CDK19: variants seen among roughly 807,000 people sequenced by gnomAD.
The protein encoded by CDK19 is cyclin dependent kinase 19, also known as cyclin-dependent kinase 19.
A neutral mutation model predicts 68.3 loss-of-function variants in CDK19; 20 were observed. The ratio of observed to expected loss-of-function variants is 0.29; its 90% CI spans 0.21 to 0.43. The LOEUF is 0.43. Ranked by LOEUF, CDK19 falls within the 20% of genes least tolerant of loss-of-function variation. The pLI, the probability that CDK19 is intolerant of heterozygous loss-of-function variation, is 1.00. For synonymous variants in CDK19, 221 were observed against 222.8 expected (o/e 0.99, Z 0.07); for missense variants, 339 against 623.5 (o/e 0.54, Z 4.86).
At chr6:110,660,192 C>T (rs1325652789) in intron 4 of CDK19, among the ~76,000 whole-genome samples, 2 of 152,184 alleles carry the variant, frequency 1.3e-5, no homozygotes, top group Admixed American at 1.3e-4. Flanking sequence ...TCCCTGACCC[C>T]TTCGCAGGCT....
In CDK19 at chr6:110,765,672, T is replaced by C. The variant is rs1322378008; in HGVS notation, c.129-19471A>G. ...CTCCAGCCTGGTGATACAGCAAGAC[T>C]CCATCTCAAAAAAAAAAAAAAGACA... On this transcript the variant is annotated intron_variant, in intron 1 of 12. Transcript: ENST00000368911. 1.2e-3 allele frequency among the ~76,000 whole-genome samples: 162 copies of C among 139,684 alleles called. 2 individuals carry two copies. In the Admixed American group the frequency reaches 0.012, roughly 10 times the overall value. 91.6% of individuals were successfully genotyped at this position (139,684 alleles called of 152,430 possible).
intron 2 of CDK19, among the ~76,000 whole-genome samples, chr6:110,699,526 T>G (rs1408005031): frequency 2.6e-5 from 4 of 151,782 alleles, no homozygotes; most frequent in Non-Finnish European, 5.9e-5. Context: ...AGCTAAGCTA[T>G]GGATACACAA....
At chr6:110,704,673 AATCTTTTTAGTT>A (rs1346734514) in intron 2 of CDK19, among the ~76,000 whole-genome samples, 1 of 152,222 alleles carries the variant, frequency 6.6e-6, no homozygotes, top group East Asian at 1.9e-4. Flanking sequence ...AATATCAACA[AATCTTTTTAGTT>A]ATCTTTTTAA....
intron 1 of CDK19, among the ~76,000 whole-genome samples, chr6:110,802,330 G>T (rs2115116455): frequency 6.6e-6 from 1 of 152,316 alleles, no homozygotes; most frequent in Middle Eastern, 3.4e-3. Context: ...ATACACCATG[G>T]AATACTATGC....
At chr6:110,812,366 C>T (rs1297802182) in intron 1 of CDK19, among the ~76,000 whole-genome samples, 9 of 152,176 alleles carry the variant, frequency 5.9e-5, no homozygotes, top group African/African-American at 2.2e-4. Context: ...TCGTGATCCA[C>T]CCGCCTCGGC....
At chr6:110,684,217 C>T (rs1006034750) in intron 2 of CDK19, among the ~76,000 whole-genome samples, 1 of 151,924 alleles carries the variant, frequency 6.6e-6, no homozygotes, top group Non-Finnish European at 1.5e-5. Flanking sequence ...GCTTGCAACC[C>T]TCCTTGTCAA....
chr6:110,634,148 T>C (rs1271886268), intron 5 of CDK19, among the ~76,000 whole-genome samples: 1 of 152,182 alleles, frequency 6.6e-6, no homozygotes, highest in East Asian at 1.9e-4. Context: ...CATATTAAAA[T>C]TTTAATTTAC....
intron 1 of CDK19, among the ~76,000 whole-genome samples, chr6:110,791,521 A>G (rs998925561): frequency 6.6e-6 from 1 of 152,194 alleles, no homozygotes; most frequent in Non-Finnish European, 1.5e-5. Context: ...CAGGCTACTA[A>G]AAAGTATGTA....
chr6:110,728,639 A>T (rs78444365), intron 2 of CDK19, among the ~76,000 whole-genome samples: 4,166 of 151,762 alleles, frequency 0.027, 82 homozygotes, highest in South Asian at 0.084. Context: ...AACACAGCCC[A>T]CACAGCTGCA....
intron 4 of CDK19, among the ~76,000 whole-genome samples, chr6:110,649,951 T>G (rs762991803): frequency 6.6e-6 from 1 of 152,358 alleles, no homozygotes; most frequent in East Asian, 1.9e-4. Context: ...AACAACTATA[T>G]ATAGCCTTTG....
intron 1 of CDK19, among the ~76,000 whole-genome samples, chr6:110,748,548 G>C (rs1676149936): frequency 1.3e-5 from 2 of 152,216 alleles, no homozygotes; most frequent in African/African-American, 4.8e-5. Context: ...TAAACTAACT[G>C]TCAGATGGTA....
rs775534171 is a variant in CDK19 at position 110,622,823 on chromosome 6, T to G, written c.1023A>C (p.Pro341=). The G allele has an allele frequency of 1.9e-6, 3 of 1,601,786 alleles. No individual in the cohort carries two copies. Among genetic ancestry groups the G allele is most frequent in the Non-Finnish European group, 2.6e-6 (3 of 1,168,778 alleles). ...AAAGACAGGATACATACTCTAATGT[T>G]GGCAAAGGGTCCTCCTGAAAATAGG... The part of the protein sequence containing the change: ...QDPYFQEDPL[P]TLDVFAGCQI... Residue 341 remains proline, a synonymous_variant, in exon 10 of 13, where the codon CCA becomes CCC. Coordinates refer to ENST00000368911, the MANE Select transcript of CDK19 (RefSeq NM_015076.5).
intron 2 of CDK19, among the ~76,000 whole-genome samples, chr6:110,687,409 G>A (rs1772588002): frequency 6.6e-6 from 1 of 152,140 alleles, no homozygotes; most frequent in Non-Finnish European, 1.5e-5. Flanking sequence ...GTGAAGTCAA[G>A]GCTCAGACAA....
intron 1 of CDK19, among the ~76,000 whole-genome samples, chr6:110,806,495 C>CT (rs972150993): frequency 4.6e-5 from 7 of 152,156 alleles, no homozygotes; most frequent in African/African-American, 1.7e-4. Flanking sequence ...GCTTCTAGGA[C>CT]TTTAACTTAC....
At chr6:110,617,971 C>A (rs1181059718) in intron 12 of CDK19, among the ~76,000 whole-genome samples, 1 of 151,486 alleles carries the variant, frequency 6.6e-6, no homozygotes, top group Non-Finnish European at 1.5e-5. Context: ...ACACACTCAC[C>A]AGCACCATGA....
intron 1 of CDK19, among the ~76,000 whole-genome samples, chr6:110,748,343 T>G (rs757820955): frequency 5.3e-5 from 8 of 152,186 alleles, no homozygotes; most frequent in Middle Eastern, 3.2e-3. Flanking sequence ...CAGAAGAGAC[T>G]GAGCATAGGC....
intron 4 of CDK19, among the ~76,000 whole-genome samples, chr6:110,658,673 A>G (rs1239461606): frequency 1.3e-5 from 2 of 152,208 alleles, no homozygotes; most frequent in African/African-American, 4.8e-5. Flanking sequence ...TATTTGTAAT[A>G]TTTAAATATA....
intron 1 of CDK19, among the ~76,000 whole-genome samples, chr6:110,789,109 CAAG>C (rs918658161): frequency 4.6e-5 from 7 of 152,080 alleles, no homozygotes; most frequent in African/African-American, 1.4e-4. Context: ...ACAGCAATAG[CAAG>C]AAGAATTGGC....
chr6:110,657,786 C>T (rs1479033104), intron 4 of CDK19, among the ~76,000 whole-genome samples: 2 of 152,168 alleles, frequency 1.3e-5, no homozygotes, highest in Non-Finnish European at 2.9e-5. Flanking sequence ...CAAATGAGCC[C>T]TGACCCTGAG....
Sources: allele counts gnomAD v4.1 joint callset (sites outside exome capture counted in the v4.1 genomes callset), GRCh38; gene constraint gnomAD v4.1.1; transcripts MANE v1.5; gene names NCBI Gene and HGNC (gene_info 2026-07-23, HGNC 2026-07-21).